ROBO2: variants seen among roughly 807,000 people sequenced by gnomAD.
ROBO2 encodes the protein roundabout guidance receptor 2, also known as roundabout homolog 2.
ROBO2 carries 53 observed loss-of-function variants against 160.8 expected under a neutral mutation model. The observed-to-expected ratio is 0.33, with a 90% CI of 0.26 to 0.41. The LOEUF is 0.41. Ranked by LOEUF, ROBO2 falls within the 10% of genes least tolerant of loss-of-function variation. The pLI, the probability that ROBO2 is intolerant of heterozygous loss-of-function variation, is 1.00. For synonymous variants in ROBO2, 664 were observed against 611.7 expected, an observed-to-expected ratio of 1.09 and a Z score of -1.26; for missense variants, 1,577 against 1,722.4, an observed-to-expected ratio of 0.92 and a Z score of 1.49.
At chr3:76,032,859 A>G (rs2066972718) in intron 2 of ROBO2, among the ~76,000 whole-genome samples, 1 of 152,176 alleles carries the variant, frequency 6.6e-6, no homozygotes. Flanking sequence ...CAGACCATAA[A>G]GTTTTCAAAA....
Position 77,289,514 on chromosome 3 carries a change from G to A in ROBO2, c.389-187900G>A, listed in dbSNP as rs183477598. Among the ~76,000 whole-genome samples the A allele has an allele frequency of 2.0e-4, 30 of 150,956 alleles. 1 individual carries two copies. The highest frequency in any genetic ancestry group is 1.6e-4 in the Non-Finnish European group (11 of 67,784). The stretch of plus-strand genomic sequence containing the variant: ...TATAAAGTAAAATTGACGGTTCAAT[G>A]GGTAAGCTGAGGCTAGATCACCCCA... On this transcript the variant is annotated intron_variant, in intron 2 of 25. Transcript: ENST00000461745.
intron 1 of ROBO2, among the ~76,000 whole-genome samples, chr3:77,048,306 G>T (rs1007122781): frequency 2.6e-5 from 4 of 152,108 alleles, no homozygotes; most frequent in African/African-American, 9.7e-5. Flanking sequence ...CCTCTTAAGG[G>T]AACTTATCGG....
chr3:77,480,628 T>G (rs2084575351), intron 3 of ROBO2, among the ~76,000 whole-genome samples: 1 of 152,114 alleles, frequency 6.6e-6, no homozygotes, highest in Non-Finnish European at 1.5e-5. Context: ...AGGCAAAGAT[T>G]TTTACCGTTT....
chr3:76,125,643 G>A (rs768075613), intron 2 of ROBO2, among the ~76,000 whole-genome samples: 11 of 151,848 alleles, frequency 7.2e-5, no homozygotes, highest in Non-Finnish European at 1.5e-4. Flanking sequence ...CCACACATAT[G>A]TCTTCTACTG....
intron 2 of ROBO2, among the ~76,000 whole-genome samples, chr3:76,726,063 TCA>T (rs2093547558): frequency 6.6e-6 from 1 of 152,130 alleles, no homozygotes; most frequent in South Asian, 2.1e-4. Flanking sequence ...AAAGCTAACA[TCA>T]CACGCGCATA....
At chr3:76,995,540 T>C (rs2060949288) in intron 2 of ROBO2, among the ~76,000 whole-genome samples, 1 of 152,130 alleles carries the variant, frequency 6.6e-6, no homozygotes, top group African/African-American at 2.4e-5. Flanking sequence ...ACTTCCACAA[T>C]GGTTGAACTA....
chr3:76,769,781 C>T (rs1209872122), intron 2 of ROBO2, among the ~76,000 whole-genome samples: 2 of 151,374 alleles, frequency 1.3e-5, no homozygotes, highest in African/African-American at 4.8e-5. Context: ...AAATTATTCT[C>T]CCCTACTGTC....
At chr3:76,911,435 T>C (rs955905249) in intron 2 of ROBO2, among the ~76,000 whole-genome samples, 8 of 152,172 alleles carry the variant, frequency 5.3e-5, no homozygotes, top group Non-Finnish European at 1.2e-4. Flanking sequence ...ACTGTTGGGT[T>C]TATTCAAGGA....
At chr3:77,609,886 G>T (rs1013519749) in intron 21 of ROBO2, among the ~76,000 whole-genome samples, 5 of 148,394 alleles carry the variant, frequency 3.4e-5, no homozygotes, top group South Asian at 2.1e-4. Context: ...GCTAAAAAAA[G>T]AAGTTATCAT....
At chr3:77,613,290 A>T (rs183112097) in intron 21 of ROBO2, among the ~76,000 whole-genome samples, 1 of 151,780 alleles carries the variant, frequency 6.6e-6, no homozygotes, top group East Asian at 1.9e-4. Flanking sequence ...CTTACTACCT[A>T]TGGAGTTTCA....
chr3:77,194,727 T>TA, intron 2 of ROBO2, among the ~76,000 whole-genome samples: 1 of 152,292 alleles, frequency 6.6e-6, no homozygotes, highest in Admixed American at 6.5e-5. Context: ...TTTTATTGTT[T>TA]AAAACTTTGC....
At chr3:76,344,525 C>T (rs920272064) in intron 2 of ROBO2, among the ~76,000 whole-genome samples, 1 of 152,096 alleles carries the variant, frequency 6.6e-6, no homozygotes, top group Admixed American at 6.6e-5. Flanking sequence ...CTCCAAAACT[C>T]AGAAGTCGGG....
chr3:76,617,482 A>G (rs1578575030), intron 2 of ROBO2, among the ~76,000 whole-genome samples: 1 of 152,166 alleles, frequency 6.6e-6, no homozygotes, highest in East Asian at 1.9e-4. Flanking sequence ...TATTGTTGTT[A>G]CTGTTACAAT....
intron 2 of ROBO2, among the ~76,000 whole-genome samples, chr3:76,456,489 CA>C (rs1214411637): frequency 6.6e-6 from 1 of 152,164 alleles, no homozygotes; most frequent in East Asian, 1.9e-4. Context: ...AAAGTACCAG[CA>C]GGTACTTTAC....
At chr3:76,304,778 C>CTT (rs1222432931) in intron 2 of ROBO2, among the ~76,000 whole-genome samples, 1 of 139,856 alleles carries the variant, frequency 7.2e-6, no homozygotes, top group African/African-American at 2.7e-5. Context: ...TTCTTTCTTT[C>CTT]TTTCTTTCTT....
chr3:77,522,336 A>G (rs928010930), intron 5 of ROBO2, among the ~76,000 whole-genome samples: 1 of 151,254 alleles, frequency 6.6e-6, no homozygotes, highest in Non-Finnish European at 1.5e-5. Flanking sequence ...ATAAGAGAAA[A>G]ATTTTGTTCT....
intron 2 of ROBO2, among the ~76,000 whole-genome samples, chr3:76,216,192 G>T (rs547334250): frequency 2.6e-4 from 39 of 151,712 alleles, no homozygotes; most frequent in Non-Finnish European, 5.3e-4. Context: ...ACTGGTAAAA[G>T]CCACTACAAA....
At chr3:77,219,296 G>T (rs1240526020) in intron 2 of ROBO2, among the ~76,000 whole-genome samples, 1 of 151,490 alleles carries the variant, frequency 6.6e-6, no homozygotes, top group Admixed American at 6.6e-5. Context: ...TAGATAGAGT[G>T]CCCATTGTTG....
At chr3:77,464,466 G>A (rs1276880326) in intron 2 of ROBO2, among the ~76,000 whole-genome samples, 2 of 152,076 alleles carry the variant, frequency 1.3e-5, no homozygotes, top group Non-Finnish European at 2.9e-5. Flanking sequence ...CTGAGGAAAT[G>A]TGGGTTGAAT....
Sources: allele counts gnomAD v4.1 joint callset (sites outside exome capture counted in the v4.1 genomes callset), GRCh38; gene constraint gnomAD v4.1.1; transcripts MANE v1.5; gene names NCBI Gene and HGNC (gene_info 2026-07-23, HGNC 2026-07-21).